SYT7: variants seen among roughly 807,000 people sequenced by gnomAD.
The protein encoded by SYT7 is synaptotagmin 7, also known as synaptotagmin-7.
SYT7 carries 29 observed loss-of-function variants against 75.1 expected under a neutral mutation model. That is an observed-to-expected ratio of 0.39 (90% CI 0.29 to 0.53). The LOEUF is 0.53. Ranked by LOEUF, SYT7 falls within the 20% of genes least tolerant of loss-of-function variation. The pLI is 0.77. For missense variants in SYT7, 693 were observed against 953.2 expected, an observed-to-expected ratio of 0.73 and a Z score of 3.59; for synonymous variants, 376 against 401.7, an observed-to-expected ratio of 0.94 and a Z score of 0.76.
chr11:61,545,213 G>A (rs968881515), intron 5 of SYT7, among the ~76,000 whole-genome samples: 6 of 152,186 alleles, frequency 3.9e-5, no homozygotes, highest in Admixed American at 1.3e-4. Flanking sequence ...CCAATCCTAC[G>A]TCCATCAGCC....
intron 1 of SYT7, among the ~76,000 whole-genome samples, chr11:61,567,161 C>A (rs1023816798): frequency 1.9e-4 from 29 of 152,204 alleles, no homozygotes; most frequent in South Asian, 6.2e-4. Flanking sequence ...GAGACCACTG[C>A]GGATCTGAAT....
At chr11:61,534,381 G>A (rs959377071) in intron 7 of SYT7, among the ~76,000 whole-genome samples, 5 of 148,808 alleles carry the variant, frequency 3.4e-5, no homozygotes, top group East Asian at 1.9e-4. Flanking sequence ...ACACACACAC[G>A]CACATGCATG....
At chr11:61,535,991 A>C (rs2062859319) in intron 7 of SYT7, among the ~76,000 whole-genome samples, 1 of 152,128 alleles carries the variant, frequency 6.6e-6, no homozygotes. Flanking sequence ...CCAGGTGCCC[A>C]GTGGGTGGTG....
In SYT7 at chr11:61,517,355, T is replaced by C. The variant is rs1055498587; in HGVS notation, c.*1272A>G. 2.5e-6 allele frequency: 1 copy of C among 398,594 alleles called. No individual in the cohort carries two copies. The highest frequency in any genetic ancestry group is 1.3e-4 in the South Asian group (1 of 7,854). 24.7% of individuals were successfully genotyped at this position (398,594 alleles called of 1,614,324 possible). A position where few individuals can be genotyped will look rare whatever the true frequency, so the allele number is the denominator to read the frequency against. On this transcript the variant is annotated 3_prime_UTR_variant, in exon 13 of 13. Coordinates refer to ENST00000539008, the MANE Select transcript of SYT7 (RefSeq NM_001365809.2). Reference sequence around the variant, plus strand: ...ACTCACAGAATCCTGGTCTTTTCCCTGCCTCCTTTCCCTGCACTGTGAGTG... The same window carrying C: ...ACTCACAGAATCCTGGTCTTTTCCCCGCCTCCTTTCCCTGCACTGTGAGTG...
chr11:61,540,800 C>T (rs1161513363), intron 6 of SYT7: 12 of 985,390 alleles, frequency 1.2e-5, no homozygotes, highest in East Asian at 1.1e-4. Flanking sequence ...GTTCAAGCCA[C>T]GCAGACCCAA....
chr11:61,524,387 A>C lies in SYT7; in HGVS notation c.1617T>G (p.Asp539Glu). ...DLTQMQTFWK[D>E]LKPCSDGSGS... ...CACTCCCATCGCTGCATGGCTTCAG[A>C]TCCTTCCAGAAGGTCTGCATCTGGG... Residue 539 changes from aspartate (D) to glutamate (E), a missense_variant, in exon 10 of 13, where the codon GAT becomes GAG. Coordinates refer to ENST00000539008, the MANE Select transcript of SYT7 (RefSeq NM_001365809.2). The surrounding 1 kb of genome is among the most constrained non-coding windows in gnomAD (Gnocchi z 4.1). The C allele has an allele frequency of 6.2e-7, 1 of 1,614,120 alleles. No homozygotes were observed. The highest frequency in any genetic ancestry group is 1.1e-5 in the South Asian group (1 of 91,082).
chr11:61,523,840 G>T lies in SYT7; in HGVS notation c.1743C>A (p.Ile581=), dbSNP rs745552660. ...GAAGCCCCGTACCTGATGTGCCCCCGATGTCCATGGCTTTGAGGTTCCGGG... is the reference window on the plus strand; with the variant it reads ...GAAGCCCCGTACCTGATGTGCCCCCTATGTCCATGGCTTTGAGGTTCCGGG... ...IKARNLKAMD[I]GGTSDPYVKV... Residue 581 remains isoleucine, a synonymous_variant, in exon 11 of 13, where the codon ATC becomes ATA. Transcript: ENST00000539008. This position sits in a 1 kb window ranked among gnomAD's most constrained non-coding sequence, Gnocchi z 5.0. 1 of 1,613,952 alleles carries T rather than the reference G, an allele frequency of 6.2e-7. No individual in the cohort carries two copies. The highest frequency in any genetic ancestry group is 8.5e-7 in the Non-Finnish European group (1 of 1,179,920).
chr11:61,524,653 G>T lies in SYT7; in HGVS notation c.1472-121C>A. ...GTGCCCTCCCGCTGCCACCCCACCGGGCCAGCAGGCACACCGGATTGCAAT... is the reference window on the plus strand; with the variant it reads ...GTGCCCTCCCGCTGCCACCCCACCGTGCCAGCAGGCACACCGGATTGCAAT... On this transcript the variant is annotated intron_variant, in intron 9 of 12. Transcript: ENST00000539008. The surrounding 1 kb of genome is among the most constrained non-coding windows in gnomAD (Gnocchi z 4.1). The T allele has an allele frequency of 1.1e-6, 1 of 921,602 alleles. No homozygotes were observed. 57.1% of individuals were successfully genotyped at this position (921,602 alleles called of 1,614,324 possible).
chr11:61,529,659 G>A (rs975321796), intron 8 of SYT7, among the ~76,000 whole-genome samples: 19 of 152,198 alleles, frequency 1.2e-4, no homozygotes, highest in African/African-American at 4.3e-4. Context: ...TTTTGAGCCA[G>A]GGTCTCGCTC....
rs1199866988 is a variant in SYT7, at chr11:61,542,942, T to C, written c.573-363A>G. Among the ~76,000 whole-genome samples, 1 of 152,164 alleles carries C rather than the reference T, an allele frequency of 6.6e-6. No individual in the cohort carries two copies. The highest frequency in any genetic ancestry group is 2.4e-5 in the African/African-American group (1 of 41,436). On this transcript the variant is annotated intron_variant, in intron 5 of 12. Coordinates refer to ENST00000539008, the MANE Select transcript of SYT7 (RefSeq NM_001365809.2). The surrounding 1 kb of genome is among the most constrained non-coding windows in gnomAD (Gnocchi z 7.8). ...AGGTCCCCTGGGCCCTGCAGCTGCC[T>C]GTCATGTTGGAGTGGGAGGGGTAGA...
rs1302495319 is a variant in SYT7 at position 61,514,749 on chromosome 11, T to C, written c.*3878A>G. Among the ~76,000 whole-genome samples the C allele has an allele frequency of 1.3e-5, 2 of 152,164 alleles. No individual in the cohort carries two copies. The highest frequency in any genetic ancestry group is 2.1e-4 in the South Asian group (1 of 4,822). ...ACACCTCAGGCTGGAACCTGTTCTA[T>C]TGAGTGGAAGAGACTTTTCTAATCC... On this transcript the variant is annotated 3_prime_UTR_variant, in exon 13 of 13. Coordinates refer to ENST00000539008, the MANE Select transcript of SYT7 (RefSeq NM_001365809.2).
chr11:61,557,885 T>G (rs2063538567), intron 1 of SYT7, among the ~76,000 whole-genome samples: 1 of 152,196 alleles, frequency 6.6e-6, no homozygotes, highest in Non-Finnish European at 1.5e-5. Flanking sequence ...AACTAGGACT[T>G]TGATCTCCAA....
At chr11:61,570,702 A>G (rs1183966583) in intron 1 of SYT7, among the ~76,000 whole-genome samples, 1 of 152,190 alleles carries the variant, frequency 6.6e-6, no homozygotes, top group Non-Finnish European at 1.5e-5. Flanking sequence ...CCCTGGCACA[A>G]TCTAAGCCCC....
intron 4 of SYT7, 137 bp downstream of exon 4, chr11:61,547,040 T>G (rs1266953579): frequency 3.4e-5 from 35 of 1,021,970 alleles, no homozygotes; most frequent in Middle Eastern, 3.2e-4. Context: ...ATGGGGTGGA[T>G]GGGTGGGGAA....
chr11:61,569,706 G>A (rs2063868763), intron 1 of SYT7, among the ~76,000 whole-genome samples: 1 of 152,136 alleles, frequency 6.6e-6, no homozygotes, highest in Admixed American at 6.5e-5. Context: ...CTCCAGGAAA[G>A]GGAAGGGGAG....
At chr11:61,557,762 C>G (rs888116641) in intron 1 of SYT7, among the ~76,000 whole-genome samples, 1 of 152,250 alleles carries the variant, frequency 6.6e-6, no homozygotes, top group Non-Finnish European at 1.5e-5. Context: ...GGAGCTCTGA[C>G]CTGGACAACC....
At chr11:61,562,837 C>T (rs931546090) in intron 1 of SYT7, among the ~76,000 whole-genome samples, 2 of 152,010 alleles carry the variant, frequency 1.3e-5, no homozygotes, top group Admixed American at 1.3e-4. Context: ...GGCTCAGCCC[C>T]GACTCCCAAC....
At position 61,517,807 on chromosome 11, in the gene SYT7, T is replaced by A; in HGVS notation, c.*820A>T. On this transcript the variant is annotated 3_prime_UTR_variant, in exon 13 of 13. Transcript: ENST00000539008. ...TGAAATTGCTGAGGAGGGAACTACTTCAGATTCTGAGCAGAGGGGGGCACC... is the reference window on the plus strand; with the variant it reads ...TGAAATTGCTGAGGAGGGAACTACTACAGATTCTGAGCAGAGGGGGGCACC... 1 of 267,234 alleles carries A rather than the reference T, an allele frequency of 3.7e-6. No individual in the cohort carries two copies. The highest frequency in any genetic ancestry group is 6.9e-6 in the Non-Finnish European group (1 of 145,440). 16.6% of individuals were successfully genotyped at this position (267,234 alleles called of 1,614,324 possible). A position where few individuals can be genotyped will look rare whatever the true frequency, so the allele number is the denominator to read the frequency against.
At chr11:61,527,888 GGC>G in intron 9 of SYT7, 25 bp downstream of exon 9, 1 of 1,610,052 alleles carries the variant, frequency 6.2e-7, no homozygotes. Context: ...AGGTGACCAT[GGC>G]GGGGGAAGGT....
Sources: allele counts gnomAD v4.1 joint callset (sites outside exome capture counted in the v4.1 genomes callset), GRCh38; gene constraint gnomAD v4.1.1; non-coding constraint Gnocchi (gnomAD v3.1); transcripts MANE v1.5; gene names NCBI Gene and HGNC (gene_info 2026-07-23, HGNC 2026-07-21).